PTPN13: variants seen among roughly 807,000 people sequenced by gnomAD.
PTPN13 encodes tyrosine-protein phosphatase non-receptor type 13.
Under a neutral mutation model 284.0 loss-of-function variants are expected in PTPN13, and 191 were observed. The ratio of observed to expected loss-of-function variants is 0.67; its 90% CI spans 0.60 to 0.76. PTPN13 has a LOEUF of 0.76. PTPN13 is among the 30% of genes least tolerant of loss of function. PTPN13 has a pLI of 0.00. For missense variants in PTPN13, 2,797 were observed against 2,939.9 expected (o/e 0.95, Z 1.12); for synonymous variants, 986 against 1,022.3 (o/e 0.96, Z 0.68).
intron 37 of PTPN13, among the ~76,000 whole-genome samples, chr4:86,782,924 A>G (rs1741486500): frequency 6.6e-6 from 1 of 152,172 alleles, no homozygotes; most frequent in African/African-American, 2.4e-5. Context: ...TATGTAATAT[A>G]CATTTCTACA....
intron 26 of PTPN13, among the ~76,000 whole-genome samples, chr4:86,765,960 TG>T (rs1172135043): frequency 6.6e-5 from 10 of 152,232 alleles, no homozygotes; most frequent in Admixed American, 5.9e-4. Context: ...CCCAAGTAGC[TG>T]GGACTACAGG....
At chr4:86,664,302 A>G (rs1039612810) in intron 2 of PTPN13, among the ~76,000 whole-genome samples, 2 of 152,206 alleles carry the variant, frequency 1.3e-5, no homozygotes, top group Non-Finnish European at 2.9e-5. Flanking sequence ...ATTAGAGAAT[A>G]AAGATCAAGA....
In PTPN13 at chr4:86,803,689, A is replaced by T. The variant is rs1405477418; in HGVS notation, c.6506-20A>T. 1 of 1,611,226 alleles carries T rather than the reference A, an allele frequency of 6.2e-7. No homozygotes were observed. The highest frequency in any genetic ancestry group is 8.5e-7 in the Non-Finnish European group (1 of 1,178,002). ...ATTGGTTCTGGAGGAACTGTTTTTA[A>T]ATTGCTGTCTTCCTATTAGATCATT... On this transcript the variant is annotated intron_variant, in intron 42 of 47. Transcript: ENST00000411767.
At chr4:86,698,304 G>T (rs1055326148) in intron 6 of PTPN13, among the ~76,000 whole-genome samples, 13 of 152,154 alleles carry the variant, frequency 8.5e-5, no homozygotes, top group Admixed American at 4.6e-4. Flanking sequence ...AGGAAAGACT[G>T]GGGGAGAATG....
chr4:86,619,165 A>T (rs1720936326), intron 1 of PTPN13, among the ~76,000 whole-genome samples: 1 of 152,218 alleles, frequency 6.6e-6, no homozygotes, highest in Non-Finnish European at 1.5e-5. Context: ...CTGACACGGT[A>T]GCCTACAGTG....
chr4:86,759,998 C>T (rs1738479270), intron 23 of PTPN13, among the ~76,000 whole-genome samples: 2 of 151,908 alleles, frequency 1.3e-5, no homozygotes, highest in African/African-American at 2.4e-5. Flanking sequence ...TTAGACATAG[C>T]TTTGGATTCT....
chr4:86,658,886 GCAGT>G (rs932345390), intron 2 of PTPN13, among the ~76,000 whole-genome samples: 6 of 152,080 alleles, frequency 3.9e-5, no homozygotes, highest in African/African-American at 1.4e-4. Context: ...GGTTTTTAAA[GCAGT>G]CAGAGAGAAA....
At chr4:86,652,281 A>C (rs1243068843) in intron 2 of PTPN13, among the ~76,000 whole-genome samples, 1 of 152,108 alleles carries the variant, frequency 6.6e-6, no homozygotes. Flanking sequence ...TAGTCTACTA[A>C]AATATGCATG....
At chr4:86,616,043 G>C (rs368706178) in intron 1 of PTPN13, among the ~76,000 whole-genome samples, 41 of 152,270 alleles carry the variant, frequency 2.7e-4, no homozygotes, top group African/African-American at 9.9e-4. Flanking sequence ...TATTTCTTAT[G>C]TGACTGTAAG....
Position 86,722,206 on chromosome 4 carries a change from A to T in PTPN13, c.1386-6A>T, listed in dbSNP as rs1483212754. On this transcript the variant is annotated splice_region_variant and splice_polypyrimidine_tract_variant and intron_variant, in intron 9 of 47. Transcript: ENST00000411767. ...AATCCTCACCTGTCTCCTCTTTTCT[A>T]TATAGCAGACAATATGAAACACCCT... 3.1e-6 allele frequency: 5 copies of T among 1,603,432 alleles called. No individual in the cohort carries two copies. The African/African-American group carries it at 5.4e-5, about 17-fold the overall frequency.
intron 1 of PTPN13, among the ~76,000 whole-genome samples, chr4:86,602,138 T>C (rs1764345331): frequency 6.6e-6 from 1 of 152,214 alleles, no homozygotes; most frequent in South Asian, 2.1e-4. Flanking sequence ...TACAGGTGAT[T>C]TGTTTTTAGA....
intron 2 of PTPN13, among the ~76,000 whole-genome samples, chr4:86,671,598 G>T (rs1157712650): frequency 6.6e-6 from 1 of 151,998 alleles, no homozygotes; most frequent in Non-Finnish European, 1.5e-5. Flanking sequence ...ATACTCTTAG[G>T]TATGAGCTCT....
chr4:86,792,219 C>A (rs573927412), intron 40 of PTPN13, among the ~76,000 whole-genome samples: 1 of 152,124 alleles, frequency 6.6e-6, no homozygotes, highest in Non-Finnish European at 1.5e-5. Context: ...CATGCACAAG[C>A]TTCAATCGCC....
chr4:86,691,940 T>TG (rs1730070992), intron 5 of PTPN13, among the ~76,000 whole-genome samples: 1 of 152,196 alleles, frequency 6.6e-6, no homozygotes, highest in Admixed American at 6.5e-5. Context: ...TTTAATGTTA[T>TG]AATATTTGGA....
At chr4:86,728,643 CTTTTTTTTTTTTTTTTTTTTTTT>C (rs57773658) in intron 10 of PTPN13, among the ~76,000 whole-genome samples, 1 of 24,500 alleles carries the variant, frequency 4.1e-5, no homozygotes, top group African/African-American at 1.5e-4. Flanking sequence ...CAACCCCTGC[CTTTTTTTTTTTTTTTTTTTTTTT>C]TTTTTTTTTT....
intron 1 of PTPN13, among the ~76,000 whole-genome samples, chr4:86,594,996 G>A (rs1269535764): frequency 2.0e-5 from 3 of 152,154 alleles, no homozygotes; most frequent in African/African-American, 7.2e-5. Context: ...ACTGGAGTGG[G>A]GAAGAATGAG....
intron 23 of PTPN13, among the ~76,000 whole-genome samples, chr4:86,760,587 T>A (rs1738560939): frequency 6.6e-6 from 1 of 152,206 alleles, no homozygotes; most frequent in African/African-American, 2.4e-5. Flanking sequence ...CAAGTATTCT[T>A]GTCTGACTAG....
intron 37 of PTPN13, among the ~76,000 whole-genome samples, chr4:86,782,852 T>C (rs1369562308): frequency 1.3e-5 from 2 of 152,236 alleles, no homozygotes; most frequent in Non-Finnish European, 2.9e-5. Context: ...CATTTCATGC[T>C]CTTTTTAAGT....
intron 12 of PTPN13, among the ~76,000 whole-genome samples, chr4:86,733,536 A>G (rs1403316652): frequency 6.6e-6 from 1 of 152,210 alleles, no homozygotes; most frequent in Non-Finnish European, 1.5e-5. Flanking sequence ...ATTTCCCTCA[A>G]TATAGCTTAT....
Sources: gnomAD v4.1 joint callset for allele counts (sites outside exome capture counted in the v4.1 genomes callset) on GRCh38, gnomAD v4.1.1 for gene constraint, MANE v1.5 for transcripts, NCBI Gene and HGNC (gene_info 2026-07-23, HGNC 2026-07-21) for gene names.